PIK3C2A: variants seen among roughly 807,000 people sequenced by gnomAD.
PIK3C2A encodes the protein phosphatidylinositol 4-phosphate 3-kinase C2 domain-containing subunit alpha.
A neutral mutation model predicts 204.5 loss-of-function variants in PIK3C2A; 97 were observed. That is an observed-to-expected ratio of 0.47 (90% CI 0.40 to 0.56). The LOEUF (loss-of-function observed/expected upper bound fraction) is 0.56, where lower values mean the gene tolerates loss of function less well. PIK3C2A is among the 20% of genes least tolerant of loss of function. The pLI is 0.00. For synonymous variants in PIK3C2A, 653 were observed against 664.4 expected, an observed-to-expected ratio of 0.98 and a Z score of 0.26; for missense variants, 1,735 against 1,969.2, an observed-to-expected ratio of 0.88 and a Z score of 2.25.
At chr11:17,097,786 C>T (rs1037424960) in intron 26 of PIK3C2A, among the ~76,000 whole-genome samples, 1 of 151,994 alleles carries the variant, frequency 6.6e-6, no homozygotes, top group Non-Finnish European at 1.5e-5. Flanking sequence ...TGGTGGTGTG[C>T]GCCTATAATC....
intron 11 of PIK3C2A, among the ~76,000 whole-genome samples, chr11:17,134,000 C>T (rs1849788393): frequency 1.3e-5 from 2 of 151,678 alleles, no homozygotes; most frequent in African/African-American, 4.8e-5. Flanking sequence ...GCTCTGTTTT[C>T]CTGCTATATT....
chr11:17,167,851 A>G (rs1181827909), intron 2 of PIK3C2A, among the ~76,000 whole-genome samples: 1 of 152,190 alleles, frequency 6.6e-6, no homozygotes, highest in East Asian at 1.9e-4. Flanking sequence ...TGCAATGGTA[A>G]TATTTCATTC....
chr11:17,195,554 T>C (rs1246324936), intron 1 of PIK3C2A, among the ~76,000 whole-genome samples: 7 of 150,544 alleles, frequency 4.6e-5, no homozygotes, highest in Admixed American at 4.6e-4. Context: ...ACTCCATCTC[T>C]ACCAAAAAAT....
chr11:17,130,806 CAAA>C (rs1224352745), intron 12 of PIK3C2A, among the ~76,000 whole-genome samples: 5 of 54,716 alleles, frequency 9.1e-5, no homozygotes, highest in Admixed American at 2.0e-4. Flanking sequence ...GACTCCATCT[CAAA>C]AAAAAAAAAA....
intron 8 of PIK3C2A, among the ~76,000 whole-genome samples, chr11:17,143,713 G>C (rs1294635410): frequency 6.6e-6 from 1 of 152,006 alleles, no homozygotes; most frequent in Non-Finnish European, 1.5e-5. Flanking sequence ...AAGGCGAGTG[G>C]ATCACTTGAG....
intron 11 of PIK3C2A, among the ~76,000 whole-genome samples, chr11:17,134,167 T>A (rs1339016844): frequency 6.6e-6 from 1 of 152,176 alleles, no homozygotes; most frequent in Non-Finnish European, 1.5e-5. Context: ...TTGCTGACAT[T>A]TTACAAGATC....
chr11:17,087,897 T>C lies in PIK3C2A; in HGVS notation c.*1841A>G, dbSNP rs1848196776. 1 of 152,182 alleles carries C rather than the reference T, an allele frequency of 6.6e-6. No homozygotes were observed. The highest frequency in any genetic ancestry group is 1.5e-5 in the Non-Finnish European group (1 of 68,030). 9.4% of individuals were successfully genotyped at this position (152,182 alleles called of 1,614,324 possible). A position where few individuals can be genotyped will look rare whatever the true frequency, so the allele number is the denominator to read the frequency against. Reference sequence around the variant, plus strand: ...CATGGGTTTAACTACATATGGACCATTAGTGTTAGGCACCAAAAATTTCAA... The same window carrying C: ...CATGGGTTTAACTACATATGGACCACTAGTGTTAGGCACCAAAAATTTCAA... On this transcript the variant is annotated 3_prime_UTR_variant, in exon 33 of 33. Coordinates refer to ENST00000691414, the MANE Select transcript of PIK3C2A (RefSeq NM_002645.4).
chr11:17,102,366 G>A (rs1381733423), intron 24 of PIK3C2A, among the ~76,000 whole-genome samples: 2 of 152,202 alleles, frequency 1.3e-5, no homozygotes, highest in African/African-American at 4.8e-5. Flanking sequence ...GAACCCGGGA[G>A]GCGGAGCTTG....
At chr11:17,118,364 C>T (rs942009809) in intron 18 of PIK3C2A, among the ~76,000 whole-genome samples, 1 of 152,092 alleles carries the variant, frequency 6.6e-6, no homozygotes, top group Non-Finnish European at 1.5e-5. Flanking sequence ...TGAGCCACCA[C>T]GCTTGGCCTC....
chr11:17,148,485 C>T (rs1290184657), intron 5 of PIK3C2A, 182 bp downstream of exon 5: 2 of 567,556 alleles, frequency 3.5e-6, no homozygotes, highest in Admixed American at 3.1e-5. Flanking sequence ...TGAAACCCCA[C>T]CACTGTCTTA....
chr11:17,199,339 T>C (rs1289019984), intron 1 of PIK3C2A, among the ~76,000 whole-genome samples: 1 of 152,118 alleles, frequency 6.6e-6, no homozygotes, highest in Non-Finnish European at 1.5e-5. Flanking sequence ...AAAAATTAAA[T>C]ATGGAATTAC....
At chr11:17,135,283 A>T (rs1849833831) in intron 9 of PIK3C2A, 124 bp from the exon 10 acceptor site, 1 of 871,744 alleles carries the variant, frequency 1.1e-6, no homozygotes, top group Admixed American at 2.4e-5. Context: ...GAATTAATAA[A>T]ACGATAAATA....
intron 13 of PIK3C2A, among the ~76,000 whole-genome samples, chr11:17,124,658 T>C (rs1160664765): frequency 6.6e-6 from 1 of 152,212 alleles, no homozygotes; most frequent in Non-Finnish European, 1.5e-5. Flanking sequence ...TTACCAGACA[T>C]AGCCATGCTC....
At chr11:17,129,558 T>C (rs1173158942) in intron 12 of PIK3C2A, 91 bp from the exon 13 acceptor site, 4 of 764,096 alleles carry the variant, frequency 5.2e-6, no homozygotes, top group Non-Finnish European at 8.7e-6. Flanking sequence ...TTAGGTATTG[T>C]ATTTAACCTT....
intron 17 of PIK3C2A, 152 bp from the exon 18 acceptor site, chr11:17,118,891 C>T: frequency 1.8e-6 from 1 of 547,284 alleles, no homozygotes; most frequent in Non-Finnish European, 3.2e-6. Context: ...TTAACCTATG[C>T]CAAACTAATT....
chr11:17,186,633 G>A (rs189397283), intron 1 of PIK3C2A, among the ~76,000 whole-genome samples: 61 of 152,172 alleles, frequency 4.0e-4, no homozygotes, highest in Middle Eastern at 6.8e-3. Context: ...ATAATATGCC[G>A]TCAATTTCTT....
intron 13 of PIK3C2A, among the ~76,000 whole-genome samples, chr11:17,127,324 T>C (rs1849558512): frequency 6.6e-6 from 1 of 152,160 alleles, no homozygotes; most frequent in Non-Finnish European, 1.5e-5. Flanking sequence ...TTTTTTTCTT[T>C]TGGAGACAGA....
intron 14 of PIK3C2A, among the ~76,000 whole-genome samples, 179 bp from the exon 15 acceptor site, chr11:17,122,512 A>G (rs1849397877): frequency 6.6e-6 from 1 of 152,274 alleles, no homozygotes; most frequent in Non-Finnish European, 1.5e-5. Flanking sequence ...GCACATACAT[A>G]TTTCTTGGGA....
Position 17,155,562 on chromosome 11 carries a change from T to C in PIK3C2A, c.1133A>G (p.Asn378Ser), listed in dbSNP as rs1850561861. Residue 378 changes from asparagine to serine, a missense_variant, in exon 3 of 33, where the codon AAT (asparagine) becomes AGT (serine). Asn to Ser is a conservative substitution (Grantham distance 46). Transcript: ENST00000691414. ...SSLLQEVEVQ[N>S]EEMAAFCRSI... Reference sequence around the variant, plus strand: ...TCGACAAAAAGCTGCCATCTCCTCATTCTGTACTTCAACTTCTTGAAGAAG... The same window carrying C: ...TCGACAAAAAGCTGCCATCTCCTCACTCTGTACTTCAACTTCTTGAAGAAG... 2 of 1,606,650 alleles carry C rather than the reference T, an allele frequency of 1.2e-6. No homozygotes were observed. Among genetic ancestry groups the C allele is most frequent in the East Asian group, 4.5e-5 (2 of 44,750 alleles).
Sources: gnomAD v4.1 joint callset for allele counts (sites outside exome capture counted in the v4.1 genomes callset) on GRCh38, gnomAD v4.1.1 for gene constraint, MANE v1.5 for transcripts, NCBI Gene and HGNC (gene_info 2026-07-23, HGNC 2026-07-21) for gene names.